C1orf141: variants seen among roughly 807,000 people sequenced by gnomAD.
The protein encoded by C1orf141 is uncharacterized protein C1orf141.
A neutral mutation model predicts 23.2 loss-of-function variants in C1orf141; 19 were observed. The observed-to-expected ratio is 0.82, with a 90% CI of 0.57 to 1.20. The LOEUF is 1.20. C1orf141 is among the 50% of genes most tolerant of loss of function. The probability of loss-of-function intolerance (pLI) is 0.00; values close to 1 mark genes in which losing one functional copy is unlikely to be tolerated. For synonymous variants in C1orf141, 153 were observed against 154.6 expected (o/e 0.99, Z 0.08); for missense variants, 469 against 455.1 (o/e 1.03, Z -0.28).
In C1orf141 at chr1:67,092,871, T is replaced by A. The variant is rs1558180995; in HGVS notation, c.*134A>T. 4.1e-5 allele frequency: 28 copies of A among 687,368 alleles called. No homozygotes were observed. The highest frequency in any genetic ancestry group is 5.7e-5 in the Non-Finnish European group (24 of 421,746). 42.6% of individuals were successfully genotyped at this position (687,368 alleles called of 1,614,324 possible). On this transcript the variant is annotated 3_prime_UTR_variant, in exon 8 of 8. Coordinates refer to ENST00000684719, the MANE Select transcript of C1orf141 (RefSeq NM_001276351.2). ...TCTTGAACAGACCACTGCTGACTTA[T>A]AATTCTAATGTCTATGCTTTGCTTT...
At chr1:67,130,380 G>T (rs1489341311) in intron 2 of C1orf141, among the ~76,000 whole-genome samples, 1 of 152,112 alleles carries the variant, frequency 6.6e-6, no homozygotes, top group African/African-American at 2.4e-5. Flanking sequence ...CTACATGAGG[G>T]CCAGCTGAAA....
intron 5 of C1orf141, among the ~76,000 whole-genome samples, chr1:67,100,371 C>G (rs1313938513): frequency 6.6e-6 from 1 of 152,126 alleles, no homozygotes; most frequent in Non-Finnish European, 1.5e-5. Flanking sequence ...GTTTATTTTA[C>G]TCTTTGCTGC....
chr1:67,093,488 A>G lies in C1orf141; in HGVS notation c.720T>C (p.His240=). 1 of 1,608,428 alleles carries G rather than the reference A, an allele frequency of 6.2e-7. No individual in the cohort carries two copies. The highest frequency in any genetic ancestry group is 2.2e-5 in the East Asian group (1 of 44,768). ...HPLENENIYP[H]KRTNFILERN... The stretch of plus-strand genomic sequence containing the variant: ...TTTCTAAAATGAAATTTGTTCTTTT[A>G]TGTGGGTAAATGTTTTCATTTTCCA... Residue 240 remains histidine (H), a synonymous_variant, in exon 8 of 8, where the codon CAT becomes CAC. Coordinates refer to ENST00000684719, the MANE Select transcript of C1orf141 (RefSeq NM_001276351.2).
intron 5 of C1orf141, among the ~76,000 whole-genome samples, chr1:67,100,969 G>A (rs974004522): frequency 6.6e-6 from 1 of 151,612 alleles, no homozygotes; most frequent in Non-Finnish European, 1.5e-5. Context: ...TGGTGGTGGC[G>A]GTGAGTACTC....
chr1:67,126,852 A>G (rs755294574), intron 3 of C1orf141, among the ~76,000 whole-genome samples: 5 of 152,106 alleles, frequency 3.3e-5, no homozygotes, highest in African/African-American at 7.2e-5. Flanking sequence ...AGAAATGGAA[A>G]CTCATGTTCA....
At chr1:67,135,068 G>A (rs976646569), upstream of C1orf141, 12 of 152,058 alleles carry the variant, frequency 7.9e-5, no homozygotes, top group African/African-American at 2.9e-4. Context: ...AGAGAGCAGA[G>A]TTCTCTTCTC....
At position 67,128,701 on chromosome 1, in the gene C1orf141, T is replaced by A. The variant is rs117252944; in HGVS notation, c.-17-1444A>T. The stretch of plus-strand genomic sequence containing the variant: ...CTGGGTGACAGAGTAAGACTCTGTC[T>A]CAAAAAGAAAAAAAAAATTGTGTAG... On this transcript the variant is annotated intron_variant, in intron 2 of 7. Transcript: ENST00000684719. Among the ~76,000 whole-genome samples, 173 of 151,918 alleles carry A rather than the reference T, an allele frequency of 1.1e-3. 3 individuals are homozygous for A. In the East Asian group the frequency reaches 0.031, roughly 27 times the overall value.
chr1:67,104,280 G>A (rs1645871692), intron 5 of C1orf141, among the ~76,000 whole-genome samples: 2 of 152,138 alleles, frequency 1.3e-5, no homozygotes, highest in African/African-American at 2.4e-5. Context: ...AGATTTAAAA[G>A]ATGAGGGCAT....
intron 2 of C1orf141, among the ~76,000 whole-genome samples, chr1:67,129,835 T>A (rs1254870639): frequency 6.6e-6 from 1 of 152,168 alleles, no homozygotes; most frequent in African/African-American, 2.4e-5. Context: ...CCTCAAAACC[T>A]CACTAGTGCC....
intron 1 of C1orf141, among the ~76,000 whole-genome samples, chr1:67,132,029 C>T (rs904446406): frequency 2.6e-5 from 4 of 151,696 alleles, no homozygotes; most frequent in African/African-American, 2.4e-5. Flanking sequence ...GTGATCCGCC[C>T]ACCTCGGCCT....
intron 1 of C1orf141, among the ~76,000 whole-genome samples, chr1:67,133,314 C>G (rs1254073029): frequency 6.6e-6 from 1 of 152,118 alleles, no homozygotes; most frequent in Non-Finnish European, 1.5e-5. Context: ...CATTATGTGG[C>G]TTTATCAGTT....
At chr1:67,131,552 T>C (rs780905712) in intron 1 of C1orf141, among the ~76,000 whole-genome samples, 18 of 152,272 alleles carry the variant, frequency 1.2e-4, no homozygotes, top group Non-Finnish European at 2.4e-4. Flanking sequence ...AGATGACATA[T>C]GAGACCATCC....
chr1:67,108,982 GGGAATGTAAACT>G (rs1645999936), intron 5 of C1orf141, among the ~76,000 whole-genome samples: 1 of 152,064 alleles, frequency 6.6e-6, no homozygotes, highest in Non-Finnish European at 1.5e-5. Context: ...CACTGTTGGT[GGGAATGTAAACT>G]AGTATAAACA....
intron 5 of C1orf141, among the ~76,000 whole-genome samples, chr1:67,107,962 T>C (rs1645970598): frequency 6.6e-6 from 1 of 152,174 alleles, no homozygotes; most frequent in Non-Finnish European, 1.5e-5. Flanking sequence ...TCAAACTGCC[T>C]ACTCCCTGCC....
At chr1:67,097,896 G>T (rs1426490059) in intron 5 of C1orf141, among the ~76,000 whole-genome samples, 3 of 152,164 alleles carry the variant, frequency 2.0e-5, no homozygotes, top group Admixed American at 6.6e-5. Flanking sequence ...AATGGGATAG[G>T]TAAGAGAAAA....
At chr1:67,109,854 A>G (rs1260031328) in intron 5 of C1orf141, among the ~76,000 whole-genome samples, 1 of 152,186 alleles carries the variant, frequency 6.6e-6, no homozygotes, top group Non-Finnish European at 1.5e-5. Flanking sequence ...GAAAAAACAT[A>G]AAAGTGTACT....
intron 1 of C1orf141, among the ~76,000 whole-genome samples, chr1:67,132,951 G>A (rs1284203812): frequency 1.3e-5 from 2 of 152,188 alleles, no homozygotes; most frequent in Non-Finnish European, 2.9e-5. Context: ...AATTGGGGCA[G>A]AATGAATTCC....
chr1:67,136,544 C>T (rs1023542416), upstream of C1orf141, among the ~76,000 whole-genome samples: 3 of 152,164 alleles, frequency 2.0e-5, no homozygotes, highest in African/African-American at 7.2e-5. Context: ...CATTAATCTT[C>T]AGTCAATAAA....
Position 67,125,758 on chromosome 1 carries a change from G to C in C1orf141, c.227C>G (p.Ser76Ter). 1.2e-6 allele frequency: 2 copies of C among 1,613,470 alleles called. No homozygotes were observed. The highest frequency in any genetic ancestry group is 1.7e-6 in the Non-Finnish European group (2 of 1,179,546). The change falls in exon 4 of 8, where the codon TCA becomes TGA. Residue 76 changes from serine (S) to a stop codon, truncating the protein, a stop_gained. Transcript: ENST00000684719. LOFTEE classifies it high-confidence loss of function. Reference sequence around the variant, plus strand: ...AGGTGGTTATGATAGTTACATTTTTGATTTTGTAATGCTGCATGACTTGTC... The same window carrying C: ...AGGTGGTTATGATAGTTACATTTTTCATTTTGTAATGCTGCATGACTTGTC... ...KEDKSCSITK[S>*]KMHVSFKCEP... is the part of the protein sequence containing the mutation.
Sources: gnomAD v4.1 joint callset for allele counts (sites outside exome capture counted in the v4.1 genomes callset) on GRCh38, gnomAD v4.1.1 for gene constraint, MANE v1.5 for transcripts, NCBI Gene and HGNC (gene_info 2026-07-23, HGNC 2026-07-21) for gene names.